Variants in TGDS observed in about 807,000 individuals in gnomAD.
The protein encoded by TGDS is TDP-glucose 4,6-dehydratase.
TGDS carries 47 observed loss-of-function variants against 52.3 expected under a neutral mutation model. That is an observed-to-expected ratio of 0.90 (90% confidence interval 0.71 to 1.15). TGDS has a LOEUF of 1.15. Among genes scored for constraint, TGDS ranks in the 50% most tolerant of loss-of-function variants. The probability of loss-of-function intolerance (pLI) is 0.00; values close to 1 mark genes in which losing one functional copy is unlikely to be tolerated. For synonymous variants in TGDS, 115 were observed against 136.9 expected (o/e 0.84, Z 1.12); for missense variants, 375 against 418.4 (o/e 0.90, Z 0.90).
intron 4 of TGDS, 128 bp from the exon 5 acceptor site, chr13:94,583,364 A>G (rs1361063953): frequency 1.1e-6 from 1 of 900,618 alleles, no homozygotes; most frequent in African/African-American, 1.7e-5. Flanking sequence ...AAGAGTTATA[A>G]TAATAACATA....
chr13:94,576,832 G>A lies in TGDS; in HGVS notation c.885-421C>T, dbSNP rs376147372. ...AAGATGTTATTATTGGCCAGGCAAG[G>A]TGGCTCATGCCTGTAATCCCAGCAC... On this transcript the variant is annotated intron_variant, in intron 10 of 11. Coordinates refer to ENST00000261296, the MANE Select transcript of TGDS (RefSeq NM_014305.4). 9.8e-5 allele frequency among the ~76,000 whole-genome samples: 15 copies of A among 152,286 alleles called. No individual in the cohort carries two copies. In the South Asian group the frequency reaches 2.9e-3, roughly 30 times the overall value.
intron 6 of TGDS, among the ~76,000 whole-genome samples, chr13:94,580,502 C>T (rs374997256): frequency 6.6e-6 from 1 of 152,150 alleles, no homozygotes; most frequent in Non-Finnish European, 1.5e-5. Context: ...GGCTCCCATA[C>T]TGACACTGTC....
At position 94,587,813 on chromosome 13, in the gene TGDS, C is replaced by T. The variant is rs1034996153; in HGVS notation, c.313+3040G>A. Reference sequence around the variant, plus strand: ...GAGATCGAGACCGTCCTGGCTAACACGGTGAAACCCCGTCTCTATTAAAAA... The same window carrying T: ...GAGATCGAGACCGTCCTGGCTAACATGGTGAAACCCCGTCTCTATTAAAAA... On this transcript the variant is annotated intron_variant, in intron 4 of 11. Transcript: ENST00000261296. 5.3e-5 allele frequency among the ~76,000 whole-genome samples: 8 copies of T among 151,062 alleles called. No homozygotes were observed. The East Asian group carries it at 9.9e-4, about 19-fold the overall frequency.
At chr13:94,592,069 T>C (rs926182351) in intron 3 of TGDS, among the ~76,000 whole-genome samples, 172 bp downstream of exon 3, 1 of 152,232 alleles carries the variant, frequency 6.6e-6, no homozygotes, top group Non-Finnish European at 1.5e-5. Flanking sequence ...CAATCAAAAG[T>C]AGTATCCTCT....
chr13:94,592,377 T>A lies in TGDS; in HGVS notation c.154-68A>T, dbSNP rs558822889. 4.8e-6 allele frequency: 6 copies of A among 1,261,638 alleles called. No homozygotes were observed. In the African/African-American group the frequency reaches 7.6e-5, roughly 16 times the overall value. The allele number at this position is 1,261,638 out of a possible 1,614,324, so 78.2% of individuals were successfully genotyped here. A position where few individuals can be genotyped will look rare whatever the true frequency, so the allele number is the denominator to read the frequency against. On this transcript the variant is annotated intron_variant, in intron 2 of 11. Transcript: ENST00000261296. The stretch of plus-strand genomic sequence containing the variant: ...ATTAGCTTTTCCAATCAAATACCAA[T>A]TTATTTTAAAGACTACAGATGTTAC...
rs1889367213 is a variant in TGDS, at chr13:94,596,075, A to G, written c.62T>C (p.Leu21Pro). The G allele has an allele frequency of 6.2e-7, 1 of 1,614,008 alleles. No homozygotes were observed. Among genetic ancestry groups the G allele is most frequent in the African/African-American group, 1.3e-5 (1 of 74,942 alleles). Residue 21 changes from leucine to proline, a missense_variant, in exon 1 of 12, where the codon CTG becomes CCG. Leu to Pro is a moderately conservative substitution (Grantham distance 98). Coordinates refer to ENST00000261296, the MANE Select transcript of TGDS (RefSeq NM_014305.4). Reference protein sequence around the residue: ...GLPGGFAKRVLVTGGAGFIAS... With the variant: ...GLPGGFAKRVPVTGGAGFIAS... ...CATGAAACCAGCACCGCCGGTCACC[A>G]GGACCCGCTTCGCAAAGCCGCCGGG...
intron 7 of TGDS, chr13:94,579,424 CA>C (rs1888712472): frequency 6.5e-6 from 1 of 152,690 alleles, no homozygotes; most frequent in African/African-American, 2.4e-5. Context: ...CGTGCCTACA[CA>C]ATAAAGATGA....
At chr13:94,584,259 A>C (rs1343400030) in intron 4 of TGDS, among the ~76,000 whole-genome samples, 1 of 152,158 alleles carries the variant, frequency 6.6e-6, no homozygotes, top group Non-Finnish European at 1.5e-5. Context: ...ATGTGACTAT[A>C]TTTGGAGATA....
At chr13:94,590,827 T>C (rs1889171141) in intron 4 of TGDS, 26 bp downstream of exon 4, 7 of 1,528,300 alleles carry the variant, frequency 4.6e-6, no homozygotes, top group Non-Finnish European at 6.1e-6. Context: ...CTGCCAATCA[T>C]AACTGTAACA....
At chr13:94,578,825 G>A (rs759332537) in intron 7 of TGDS, 52 bp from the exon 8 acceptor site, 10 of 1,123,592 alleles carry the variant, frequency 8.9e-6, no homozygotes, top group Non-Finnish European at 9.1e-6. Context: ...TCATTAGTAT[G>A]AATCTGAACT....
At chr13:94,591,230 A>G (rs1483017558) in intron 3 of TGDS, among the ~76,000 whole-genome samples, 1 of 152,236 alleles carries the variant, frequency 6.6e-6, no homozygotes, top group East Asian at 1.9e-4. Context: ...ACCCAAGGCC[A>G]CTATATTAAT....
At chr13:94,585,893 TG>T (rs1434572167) in intron 4 of TGDS, among the ~76,000 whole-genome samples, 7 of 151,742 alleles carry the variant, frequency 4.6e-5, no homozygotes, top group Admixed American at 3.3e-4. Flanking sequence ...AAGGTTTTGA[TG>T]AACTTTACAC....
rs976493378 is a variant in TGDS, at chr13:94,578,816, C to G, written c.616-43G>C. ...TATCATTTCAGACTGGATATTTACTCATTAGTATGAATCTGAACTCATACC... is the reference window on the plus strand; with the variant it reads ...TATCATTTCAGACTGGATATTTACTGATTAGTATGAATCTGAACTCATACC... On this transcript the variant is annotated intron_variant, in intron 7 of 11. Coordinates refer to ENST00000261296, the MANE Select transcript of TGDS (RefSeq NM_014305.4). 4 of 1,260,308 alleles carry G rather than the reference C, an allele frequency of 3.2e-6. No homozygotes were observed. In the South Asian group the frequency reaches 5.1e-5, roughly 16 times the overall value. The allele number at this position is 1,260,308 out of a possible 1,614,324, so 78.1% of individuals were successfully genotyped here. A position where few individuals can be genotyped will look rare whatever the true frequency, so the allele number is the denominator to read the frequency against.
chr13:94,590,846 T>C lies in TGDS; in HGVS notation c.313+7A>G, dbSNP rs998019329. 7 of 1,558,336 alleles carry C rather than the reference T, an allele frequency of 4.5e-6. No individual in the cohort carries two copies. In the African/African-American group the frequency reaches 7.0e-5, roughly 16 times the overall value. On this transcript the variant is annotated splice_region_variant and intron_variant, in intron 4 of 11. Transcript: ENST00000261296. ...CAATCATAACTGTAACATAAAACAA[T>C]GCTTACCTACATGTGTTTGTGCGGC...
At chr13:94,585,373 T>C (rs1888940224) in intron 4 of TGDS, among the ~76,000 whole-genome samples, 1 of 152,112 alleles carries the variant, frequency 6.6e-6, no homozygotes, top group South Asian at 2.1e-4. Flanking sequence ...ATGTAGATAT[T>C]CCAGGTATAA....
chr13:94,585,925 T>A (rs1438574338), intron 4 of TGDS, among the ~76,000 whole-genome samples: 1 of 151,984 alleles, frequency 6.6e-6, no homozygotes, highest in Non-Finnish European at 1.5e-5. Flanking sequence ...TAATTACACA[T>A]CTGTAATTTG....
At chr13:94,588,394 G>A (rs1889074416) in intron 4 of TGDS, among the ~76,000 whole-genome samples, 1 of 119,798 alleles carries the variant, frequency 8.3e-6, no homozygotes, top group Non-Finnish European at 1.6e-5. Flanking sequence ...TTGCACTCCA[G>A]CCTGGGCAAT....
At chr13:94,591,949 C>T (rs1274570384) in intron 3 of TGDS, among the ~76,000 whole-genome samples, 1 of 152,188 alleles carries the variant, frequency 6.6e-6, no homozygotes, top group Admixed American at 6.5e-5. Flanking sequence ...GTCAATCAAC[C>T]TTCATAGGGA....
intron 2 of TGDS, 116 bp from the exon 3 acceptor site, chr13:94,592,425 C>G: frequency 3.9e-6 from 3 of 766,336 alleles, no homozygotes; most frequent in Non-Finnish European, 4.0e-6. Context: ...AAGAACATGT[C>G]CTCTTAAAGT....
Sources: gnomAD v4.1 joint callset for allele counts (sites outside exome capture counted in the v4.1 genomes callset) on GRCh38, gnomAD v4.1.1 for gene constraint, MANE v1.5 for transcripts, NCBI Gene and HGNC (gene_info 2026-07-23, HGNC 2026-07-21) for gene names.